The following CCDC171 variants were observed in gnomAD, a reference collection of about 807,000 sequenced individuals.
The protein encoded by CCDC171 is coiled-coil domain-containing protein 171.
CCDC171 carries 177 observed loss-of-function variants against 168.2 expected under a neutral mutation model. That is an observed-to-expected ratio of 1.05 (90% CI 0.93 to 1.19). CCDC171 has a LOEUF of 1.19. Ranked by LOEUF, CCDC171 falls within the 50% of genes most tolerant of loss-of-function variation. CCDC171 has a pLI of 0.00. For synonymous variants in CCDC171, 687 were observed against 540.8 expected (o/e 1.27, Z -3.75); for missense variants, 1,991 against 1,539.0 (o/e 1.29, Z -4.91).
rs2134240901 is a variant in CCDC171 at position 15,724,818 on chromosome 9, C to G, written c.1534C>G (p.His512Asp). The change falls in exon 14 of 26, where the codon CAT becomes GAT. Residue 512 changes from histidine to aspartate, a missense_variant. His to Asp is a moderately conservative substitution (Grantham distance 81, BLOSUM62 -1). Coordinates refer to ENST00000380701, the MANE Select transcript of CCDC171 (RefSeq NM_173550.4). Reference sequence around the variant, plus strand: ...GGCTGATGTTAATAAAGAGTTAAGTCATTTACACACTAAATGTGCAGACCG... The same window carrying G: ...GGCTGATGTTAATAAAGAGTTAAGTGATTTACACACTAAATGTGCAGACCG... ...KLADVNKELSHLHTKCADREA... is the reference protein window; with the variant it reads ...KLADVNKELSDLHTKCADREA... 6.2e-7 allele frequency: 1 copy of G among 1,613,656 alleles called. No homozygotes were observed. Among genetic ancestry groups the G allele is most frequent in the Middle Eastern group, 1.7e-4 (1 of 6,046 alleles).
the CCDC171 span, among the ~76,000 whole-genome samples, chr9:16,081,433 G>A: frequency 6.6e-6 from 1 of 152,180 alleles, no homozygotes; most frequent in Non-Finnish European, 1.5e-5. Flanking sequence ...TAAGACTGAA[G>A]AGAAGGATTT....
intron 11 of CCDC171, among the ~76,000 whole-genome samples, chr9:15,706,064 C>T (rs931940749): frequency 2.0e-5 from 3 of 152,138 alleles, no homozygotes; most frequent in African/African-American, 4.8e-5. Context: ...TTGATTGCCT[C>T]TATCATTAGG....
At chr9:15,849,991 AATT>A (rs1285767616) in intron 23 of CCDC171, among the ~76,000 whole-genome samples, 2 of 151,928 alleles carry the variant, frequency 1.3e-5, no homozygotes, top group African/African-American at 4.8e-5. Flanking sequence ...GCTTCTTTGA[AATT>A]ATTATTTCTC....
chr9:15,980,825 T>A (rs1831772008), intron 3 of CCDC171, among the ~76,000 whole-genome samples: 1 of 149,936 alleles, frequency 6.7e-6, no homozygotes, highest in African/African-American at 2.5e-5. Flanking sequence ...CCACCCAATT[T>A]GTATATAGAA....
intron 6 of CCDC171, among the ~76,000 whole-genome samples, chr9:16,030,042 G>C (rs147405349): frequency 1.3e-5 from 2 of 152,296 alleles, no homozygotes; most frequent in African/African-American, 4.8e-5. Flanking sequence ...TGGCAGAAAG[G>C]CAAGAGGGCA....
chr9:15,560,536 G>T (rs1360903351), intron 1 of CCDC171, among the ~76,000 whole-genome samples: 1 of 152,016 alleles, frequency 6.6e-6, no homozygotes, highest in Non-Finnish European at 1.5e-5. Flanking sequence ...TGAAGCTTGT[G>T]CATTCGTCAC....
intron 25 of CCDC171, among the ~76,000 whole-genome samples, chr9:15,960,421 G>T (rs1050315434): frequency 6.6e-6 from 1 of 152,134 alleles, no homozygotes; most frequent in African/African-American, 2.4e-5. Flanking sequence ...GAGGGGATAT[G>T]GGTTTAGGTA....
intron 6 of CCDC171, among the ~76,000 whole-genome samples, chr9:15,597,077 C>G (rs1300933430): frequency 6.6e-6 from 1 of 152,148 alleles, no homozygotes; most frequent in South Asian, 2.1e-4. Flanking sequence ...GTTATACAAT[C>G]ATGTCATCTG....
chr9:15,652,234 C>T lies in CCDC171; in HGVS notation c.823-4893C>T, dbSNP rs1202221508. Among the ~76,000 whole-genome samples, 6 of 152,078 alleles carry T rather than the reference C, an allele frequency of 3.9e-5. No individual in the cohort carries two copies. The East Asian group carries it at 1.2e-3, about 29-fold the overall frequency. Reference sequence around the variant, plus strand: ...TTTATATGATATGAGGTATGGGATCCAAATTTATTCTTTTGCCTATTTATA... The same window carrying T: ...TTTATATGATATGAGGTATGGGATCTAAATTTATTCTTTTGCCTATTTATA... On this transcript the variant is annotated intron_variant, in intron 7 of 25. Coordinates refer to ENST00000380701, the MANE Select transcript of CCDC171 (RefSeq NM_173550.4).
intron 24 of CCDC171, chr9:15,883,127 C>G: frequency 2.5e-6 from 1 of 399,390 alleles, no homozygotes; most frequent in Non-Finnish European, 5.0e-6. Flanking sequence ...TGCCAGGGCT[C>G]AAGCAATCTT....
At position 15,971,910 on chromosome 9, in the gene CCDC171, A is replaced by T; in HGVS notation, c.*74A>T. On this transcript the variant is annotated 3_prime_UTR_variant, in exon 26 of 26. Transcript: ENST00000380701. ...TGTTTTGAATGGGAATTTTCTTATC[A>T]GTTGACTTTTGTTTCAGCAGAAGTG... 1 of 1,321,200 alleles carries T rather than the reference A, an allele frequency of 7.6e-7. No homozygotes were observed. Among genetic ancestry groups the T allele is most frequent in the Admixed American group, 1.8e-5 (1 of 55,718 alleles). 81.8% of individuals were successfully genotyped at this position (1,321,200 alleles called of 1,614,324 possible).
At chr9:15,686,545 T>C (rs2133576971) in intron 10 of CCDC171, among the ~76,000 whole-genome samples, 1 of 151,582 alleles carries the variant, frequency 6.6e-6, no homozygotes, top group East Asian at 1.9e-4. Context: ...AAAGATAATA[T>C]ATGTATCAAA....
At chr9:15,587,677 A>T in intron 4 of CCDC171, 1 of 456,710 alleles carries the variant, frequency 2.2e-6, no homozygotes, top group Non-Finnish European at 4.4e-6. Flanking sequence ...TCCACCTTGA[A>T]GCTCAGATTC....
intron 6 of CCDC171, among the ~76,000 whole-genome samples, chr9:15,613,672 G>C (rs539695529): frequency 6.6e-6 from 1 of 151,758 alleles, no homozygotes; most frequent in Admixed American, 6.6e-5. Flanking sequence ...ACAGGCATGC[G>C]CCACCATGCC....
At chr9:16,076,432 C>G in the CCDC171 span, among the ~76,000 whole-genome samples, 1 of 152,146 alleles carries the variant, frequency 6.6e-6, no homozygotes, top group African/African-American at 2.4e-5. Flanking sequence ...GCTGTTCTTC[C>G]AGGTTGATTG....
At chr9:15,771,615 CTTGTGATATTTTTATATA>C (rs2057018105) in intron 18 of CCDC171, among the ~76,000 whole-genome samples, 1 of 151,814 alleles carries the variant, frequency 6.6e-6, no homozygotes, top group Non-Finnish European at 1.5e-5. Context: ...TTTAATTTTG[CTTGTGATATTTTTATATA>C]GTTTAAAATT....
Position 15,597,444 on chromosome 9 carries a change from C to T in CCDC171, c.675+3272C>T, listed in dbSNP as rs527623796. ...TTGGTTCTGTTTATGTGATGGATTA[C>T]GTTTATTGATTTGCATATGTTGAAC... On this transcript the variant is annotated intron_variant, in intron 6 of 25. Coordinates refer to ENST00000380701, the MANE Select transcript of CCDC171 (RefSeq NM_173550.4). Among the ~76,000 whole-genome samples, 94 of 152,210 alleles carry T rather than the reference C, an allele frequency of 6.2e-4. 2 individuals carry two copies. In the South Asian group the frequency reaches 0.018, roughly 30 times the overall value.
chr9:15,780,977 A>G (rs1216247300), intron 20 of CCDC171, among the ~76,000 whole-genome samples: 1 of 152,152 alleles, frequency 6.6e-6, no homozygotes, highest in African/African-American at 2.4e-5. Context: ...GTATCATAGA[A>G]ATAGTTGAAT....
intron 11 of CCDC171, among the ~76,000 whole-genome samples, chr9:15,707,007 A>G (rs2038805503): frequency 6.6e-6 from 1 of 152,126 alleles, no homozygotes; most frequent in Non-Finnish European, 1.5e-5. Context: ...AATATTGCCT[A>G]CACCTAGTAT....
Sources: allele counts gnomAD v4.1 joint callset (sites outside exome capture counted in the v4.1 genomes callset), GRCh38; gene constraint gnomAD v4.1.1; transcripts MANE v1.5; gene names NCBI Gene and HGNC (gene_info 2026-07-23, HGNC 2026-07-21).